SLC4A4: variants seen among roughly 807,000 people sequenced by gnomAD.
SLC4A4 encodes solute carrier family 4 member 4.
Under a neutral mutation model 111.5 loss-of-function variants are expected in SLC4A4, and 27 were observed. The ratio of observed to expected loss-of-function variants is 0.24; its 90% CI spans 0.18 to 0.33. The LOEUF (loss-of-function observed/expected upper bound fraction) is 0.33. Ranked by LOEUF, SLC4A4 falls within the 10% of genes least tolerant of loss-of-function variation. SLC4A4 has a pLI of 1.00. For synonymous variants in SLC4A4, 443 were observed against 463.4 expected (o/e 0.96, Z 0.57); for missense variants, 909 against 1,315.5 (o/e 0.69, Z 4.78).
intron 1 of SLC4A4, among the ~76,000 whole-genome samples, chr4:71,208,505 A>T (rs1717929315): frequency 6.6e-6 from 1 of 151,238 alleles, no homozygotes; most frequent in Non-Finnish European, 1.5e-5. Context: ...TTATTGGCTA[A>T]TCATTATCTG....
chr4:71,180,494 C>T (rs1745253874), intron 2 of SLC4A4, among the ~76,000 whole-genome samples: 1 of 152,092 alleles, frequency 6.6e-6, no homozygotes, highest in Non-Finnish European at 1.5e-5. Context: ...TGAACTCCAA[C>T]AAATTTACAA....
intron 7 of SLC4A4, among the ~76,000 whole-genome samples, chr4:71,426,231 A>G (rs182932603): frequency 1.6e-3 from 241 of 152,090 alleles, no homozygotes; most frequent in Middle Eastern, 6.8e-3. Context: ...ATAATGAGGC[A>G]TGTCTTACCC....
chr4:71,109,059 A>AT (rs1353658505), intron 2 of SLC4A4, among the ~76,000 whole-genome samples: 1 of 151,628 alleles, frequency 6.6e-6, no homozygotes, highest in African/African-American at 2.4e-5. Context: ...ATATCTTGTG[A>AT]TTTTTTGTTG....
chr4:71,463,185 T>A (rs1192463896), intron 12 of SLC4A4, among the ~76,000 whole-genome samples: 1 of 152,196 alleles, frequency 6.6e-6, no homozygotes, highest in Non-Finnish European at 1.5e-5. Flanking sequence ...AGAGCTTAGC[T>A]GTCTGCAGCC....
chr4:71,405,212 G>A (rs1720736654), intron 7 of SLC4A4, among the ~76,000 whole-genome samples: 1 of 151,872 alleles, frequency 6.6e-6, no homozygotes, highest in Non-Finnish European at 1.5e-5. Context: ...CAACAATGCT[G>A]TAAAATTTAA....
At chr4:71,212,893 G>A in intron 1 of SLC4A4, among the ~76,000 whole-genome samples, 1 of 152,154 alleles carries the variant, frequency 6.6e-6, no homozygotes, top group East Asian at 1.9e-4. Flanking sequence ...TCAATGATGG[G>A]CCACATATAT....
At chr4:71,260,572 G>A (rs908059368) in intron 3 of SLC4A4, among the ~76,000 whole-genome samples, 1 of 152,110 alleles carries the variant, frequency 6.6e-6, no homozygotes, top group African/African-American at 2.4e-5. Flanking sequence ...TAAGTAGGAG[G>A]AAGTACTTTG....
At chr4:71,452,220 T>C in intron 11 of SLC4A4, among the ~76,000 whole-genome samples, 1 of 152,304 alleles carries the variant, frequency 6.6e-6, no homozygotes, top group African/African-American at 2.4e-5. Context: ...AGGATATTAT[T>C]CCTCTGTCCT....
At chr4:71,063,806 T>C (rs973392315) in intron 1 of SLC4A4, among the ~76,000 whole-genome samples, 4 of 152,148 alleles carry the variant, frequency 2.6e-5, no homozygotes, top group Non-Finnish European at 2.9e-5. Context: ...ATGGATATAG[T>C]GCTCTATTTA....
intron 1 of SLC4A4, among the ~76,000 whole-genome samples, chr4:71,210,805 G>C (rs1004206064): frequency 1.3e-5 from 2 of 152,190 alleles, no homozygotes; most frequent in African/African-American, 2.4e-5. Context: ...TGAAGTGTCT[G>C]TATCTTATTC....
intron 16 of SLC4A4, among the ~76,000 whole-genome samples, chr4:71,520,252 C>T (rs2149191235): frequency 6.6e-6 from 1 of 152,300 alleles, no homozygotes; most frequent in Non-Finnish European, 1.5e-5. Context: ...GTCTCATTCT[C>T]CTTTAGCTTA....
At position 71,477,515 on chromosome 4, in the gene SLC4A4, C is replaced by CA. The variant is rs958022468; in HGVS notation, c.1903+4553dup. Among the ~76,000 whole-genome samples, 16 of 151,126 alleles carry CA rather than the reference C, an allele frequency of 1.1e-4. No individual in the cohort carries two copies. In the South Asian group the frequency reaches 1.5e-3, roughly 14 times the overall value. On this transcript the variant is annotated intron_variant, in intron 14 of 25. Transcript: ENST00000264485. ...ATATGAAACATTGAAGCTGTATTTA[C>CA]AAAAAAAAGTTAAAGCTTCATTGCA... is the stretch of plus-strand genomic sequence containing the variant.
intron 23 of SLC4A4, among the ~76,000 whole-genome samples, chr4:71,560,624 C>T (rs1736892537): frequency 1.3e-5 from 2 of 151,864 alleles, no homozygotes; most frequent in Middle Eastern, 3.4e-3. Flanking sequence ...GATAATAACT[C>T]AATTTTATGT....
At chr4:71,458,205 GTTGT>G (rs1276770633) in intron 12 of SLC4A4, among the ~76,000 whole-genome samples, 1 of 151,798 alleles carries the variant, frequency 6.6e-6, no homozygotes, top group Non-Finnish European at 1.5e-5. Context: ...ACTACTATTG[GTTGT>G]TCATTCAAAG....
chr4:71,425,685 TG>T (rs1222829204), intron 7 of SLC4A4, among the ~76,000 whole-genome samples: 3 of 151,796 alleles, frequency 2.0e-5, no homozygotes, highest in Non-Finnish European at 4.4e-5. Flanking sequence ...AAACTCAAAG[TG>T]GGGGTGGATG....
At chr4:71,147,295 TCTC>T (rs1744202196) in intron 2 of SLC4A4, among the ~76,000 whole-genome samples, 2 of 152,120 alleles carry the variant, frequency 1.3e-5, no homozygotes, top group Admixed American at 1.3e-4. Context: ...TTTTCTTCCT[TCTC>T]CTTTATGTTT....
chr4:71,489,988 A>G (rs2149136348), intron 15 of SLC4A4, among the ~76,000 whole-genome samples: 1 of 151,714 alleles, frequency 6.6e-6, no homozygotes, highest in Middle Eastern at 3.4e-3. Context: ...AGAGATTAGA[A>G]CTCTAGGATA....
intron 6 of SLC4A4, among the ~76,000 whole-genome samples, chr4:71,394,966 G>A (rs1422907274): frequency 2.6e-5 from 4 of 152,084 alleles, no homozygotes; most frequent in Non-Finnish European, 5.9e-5. Flanking sequence ...AACAAATATG[G>A]TGCAGTATAT....
At chr4:71,173,537 C>G (rs546087430) in intron 2 of SLC4A4, among the ~76,000 whole-genome samples, 3 of 151,994 alleles carry the variant, frequency 2.0e-5, no homozygotes, top group Non-Finnish European at 2.9e-5. Context: ...CATGCCACCA[C>G]GCCAGGCTAA....
Sources: allele counts gnomAD v4.1 joint callset (sites outside exome capture counted in the v4.1 genomes callset), GRCh38; gene constraint gnomAD v4.1.1; transcripts MANE v1.5; gene names NCBI Gene and HGNC (gene_info 2026-07-23, HGNC 2026-07-21).